RAB44: variants seen among roughly 807,000 people sequenced by gnomAD.
RAB44 encodes ras-related protein Rab-44.
A neutral mutation model predicts 93.3 loss-of-function variants in RAB44; 67 were observed. The observed-to-expected ratio is 0.72, with a 90% confidence interval of 0.59 to 0.88. The LOEUF (loss-of-function observed/expected upper bound fraction) is 0.88, where lower values mean the gene tolerates loss of function less well. Among genes scored for constraint, RAB44 ranks in the 40% least tolerant of loss-of-function variants. The pLI is 0.00. For synonymous variants in RAB44, 427 were observed against 520.3 expected, an observed-to-expected ratio of 0.82 and a Z score of 2.44; for missense variants, 1,064 against 1,261.7, an observed-to-expected ratio of 0.84 and a Z score of 2.37.
rs539751156 is a variant in RAB44 at position 36,731,188 on chromosome 6, C to T, written c.2975+439C>T. Among the ~76,000 whole-genome samples, 3 of 151,426 alleles carry T rather than the reference C, an allele frequency of 2.0e-5. No homozygotes were observed. The highest frequency in any genetic ancestry group is 3.0e-5 in the Non-Finnish European group (2 of 67,790). On this transcript the variant is annotated intron_variant, in intron 13 of 13. Transcript: ENST00000612677. The surrounding 1 kb of genome is among the most constrained non-coding windows in gnomAD (Gnocchi z 4.0). ...ACCCACACACACTCACACTCTTACACACACTCACACTCACACACACACACT... is the reference window on the plus strand; with the variant it reads ...ACCCACACACACTCACACTCTTACATACACTCACACTCACACACACACACT...
chr6:36,719,749 G>C (rs1763022363), intron 7 of RAB44, among the ~76,000 whole-genome samples: 1 of 152,216 alleles, frequency 6.6e-6, no homozygotes, highest in South Asian at 2.1e-4. Context: ...TGTGGGGGAA[G>C]GGCATCCAGG....
rs535276044 is a variant in RAB44, at chr6:36,712,502, T to A, written c.208-1326T>A. ...GCTTCAGCCTCCTGAGTAGCTGGGATTACAGGCGCCCACCACAATGCCCGG... is the reference window on the plus strand; with the variant it reads ...GCTTCAGCCTCCTGAGTAGCTGGGAATACAGGCGCCCACCACAATGCCCGG... On this transcript the variant is annotated intron_variant, in intron 2 of 13. Coordinates refer to ENST00000612677, the MANE Select transcript of RAB44 (RefSeq NM_001257357.2). 1.8e-3 allele frequency among the ~76,000 whole-genome samples: 277 copies of A among 152,206 alleles called. 1 individual carries two copies. Among genetic ancestry groups the A allele is most frequent in the Non-Finnish European group, 3.3e-3 (226 of 67,988 alleles).
intron 1 of RAB44, among the ~76,000 whole-genome samples, chr6:36,699,047 C>T (rs1762450991): frequency 6.6e-6 from 1 of 152,078 alleles, no homozygotes; most frequent in South Asian, 2.1e-4. Context: ...ACCATCCCAC[C>T]TGATGGTGAC....
At chr6:36,705,122 A>G (rs2150325156) in intron 2 of RAB44, among the ~76,000 whole-genome samples, 2 of 150,566 alleles carry the variant, frequency 1.3e-5, no homozygotes, top group African/African-American at 5.0e-5. Context: ...AAAAAAAAAA[A>G]AAAAAGAAGA....
intron 2 of RAB44, among the ~76,000 whole-genome samples, chr6:36,711,608 AT>A (rs34032307): frequency 0.023 from 3,496 of 152,276 alleles, 116 homozygotes; most frequent in African/African-American, 0.074. Context: ...ATTTTCTGTT[AT>A]TTTTAGGAGA....
chr6:36,699,658 C>T (rs1169974447), intron 1 of RAB44, among the ~76,000 whole-genome samples: 1 of 152,174 alleles, frequency 6.6e-6, no homozygotes, highest in Non-Finnish European at 1.5e-5. Flanking sequence ...AAGTCCATCC[C>T]ATGACCAACC....
intron 9 of RAB44, 59 bp downstream of exon 9, chr6:36,722,792 G>T: frequency 6.5e-7 from 1 of 1,538,986 alleles, no homozygotes; most frequent in East Asian, 2.4e-5. Flanking sequence ...CAGGGCCAAC[G>T]AGTGAGAGCG....
Position 36,717,982 on chromosome 6 carries a change from C to A in RAB44, c.642-46C>A. On this transcript the variant is annotated intron_variant, in intron 5 of 13. Coordinates refer to ENST00000612677, the MANE Select transcript of RAB44 (RefSeq NM_001257357.2). This position sits in a 1 kb window ranked among gnomAD's most constrained non-coding sequence, Gnocchi z 4.1. ...ACTGCCCCTGCCAGCAGCAGGCTCCCAGAGGTGCTGATGGGCTGCCTGGCC... is the reference window on the plus strand; with the variant it reads ...ACTGCCCCTGCCAGCAGCAGGCTCCAAGAGGTGCTGATGGGCTGCCTGGCC... The A allele has an allele frequency of 8.5e-7, 1 of 1,174,162 alleles. No homozygotes were observed. Among genetic ancestry groups the A allele is most frequent in the South Asian group, 4.3e-5 (1 of 23,208 alleles). The allele number at this position is 1,174,162 out of a possible 1,614,324, so 72.7% of individuals were successfully genotyped here.
Position 36,717,431 on chromosome 6 carries a change from G to T in RAB44, c.641+12G>T, listed in dbSNP as rs908817590. On this transcript the variant is annotated intron_variant, in intron 5 of 13. Transcript: ENST00000612677. The surrounding 1 kb of genome is among the most constrained non-coding windows in gnomAD (Gnocchi z 4.1). ...CTGACCCTGAGGAAGTGAGTGGGGG[G>T]CCTGGCCGGGTGTCTGATACGAAGT... is the stretch of plus-strand genomic sequence containing the variant. 1.6e-6 allele frequency: 2 copies of T among 1,231,914 alleles called. No individual in the cohort carries two copies. The highest frequency in any genetic ancestry group is 1.6e-5 in the African/African-American group (1 of 64,422). 76.3% of individuals were successfully genotyped at this position (1,231,914 alleles called of 1,614,324 possible).
chr6:36,699,045 A>C (rs1376561434), intron 1 of RAB44, among the ~76,000 whole-genome samples: 1 of 152,068 alleles, frequency 6.6e-6, no homozygotes, highest in Non-Finnish European at 1.5e-5. Flanking sequence ...GCACCATCCC[A>C]CCTGATGGTG....
At position 36,721,497 on chromosome 6, in the gene RAB44, A is replaced by G; in HGVS notation, c.1363A>G (p.Ile455Val). The G allele has an allele frequency of 6.5e-6, 8 of 1,234,540 alleles. No individual in the cohort carries two copies. The highest frequency in any genetic ancestry group is 8.1e-6 in the Non-Finnish European group (8 of 988,342). The allele number at this position is 1,234,540 out of a possible 1,614,324, so 76.5% of individuals were successfully genotyped here. The change falls in exon 9 of 14, where the codon ATT becomes GTT. Residue 455 changes from isoleucine (I) to valine (V), a missense_variant. Transcript: ENST00000612677. ...AGGAGTGGACCCACATGAGCAGGAC[A>G]TTAGAGCAGAGCAGCCTGTTGAACC... ...NKGVDPHEQD[I>V]RAEQPVEPHD...
At chr6:36,701,002 G>T (rs1754226189) in intron 1 of RAB44, among the ~76,000 whole-genome samples, 1 of 152,208 alleles carries the variant, frequency 6.6e-6, no homozygotes, top group Admixed American at 6.5e-5. Context: ...TGAATTAGGG[G>T]TGAGAGATAC....
At chr6:36,729,906 G>A (rs947421285) in intron 12 of RAB44, among the ~76,000 whole-genome samples, 1 of 152,146 alleles carries the variant, frequency 6.6e-6, no homozygotes, top group African/African-American at 2.4e-5. Flanking sequence ...CATGTATAAC[G>A]TACAATCGAA....
rs1461695198 is a variant in RAB44, at chr6:36,722,142, C to G, written c.2008C>G (p.Leu670Val). 1 of 1,236,432 alleles carries G rather than the reference C, an allele frequency of 8.1e-7. No homozygotes were observed. Among genetic ancestry groups the G allele is most frequent in the African/African-American group, 1.5e-5 (1 of 64,548 alleles). The allele number at this position is 1,236,432 out of a possible 1,614,324, so 76.6% of individuals were successfully genotyped here. ...GELSAFPHQE[L>V]EEEPRSEEGK... ...GCTGTCTGCCTTCCCCCACCAGGAG[C>G]TGGAAGAGGAACCCAGGTCTGAGGA... The change falls in exon 9 of 14, where the codon CTG becomes GTG. Residue 670 changes from leucine (L) to valine (V), a missense_variant. By Grantham distance (32) the Leu-to-Val change is conservative. Transcript: ENST00000612677.
intron 1 of RAB44, among the ~76,000 whole-genome samples, chr6:36,698,745 C>T (rs535124543): frequency 6.6e-5 from 10 of 152,104 alleles, no homozygotes; most frequent in South Asian, 2.1e-4. Flanking sequence ...GATGTGTGTG[C>T]TGGGCGACGG....
In RAB44 at chr6:36,722,509, C is replaced by G. The variant is rs1296991146; in HGVS notation, c.2375C>G (p.Ser792Cys). 5 of 1,509,254 alleles carry G rather than the reference C, an allele frequency of 3.3e-6. No homozygotes were observed. The highest frequency in any genetic ancestry group is 4.4e-6 in the Non-Finnish European group (5 of 1,127,092). The allele number at this position is 1,509,254 out of a possible 1,614,324, so 93.5% of individuals were successfully genotyped here. Residue 792 changes from serine to cysteine, a missense_variant, in exon 9 of 14, where the codon TCC becomes TGC. Transcript: ENST00000612677. ...AHAEEQGPPH[S>C]REPRAESRLE... Reference sequence around the variant, plus strand: ...GCAGAAGAACAAGGCCCGCCTCACTCCAGGGAACCAAGGGCAGAGAGCAGG... The same window carrying G: ...GCAGAAGAACAAGGCCCGCCTCACTGCAGGGAACCAAGGGCAGAGAGCAGG...
chr6:36,704,477 C>CT, intron 2 of RAB44, 35 bp downstream of exon 2: 1 of 1,513,242 alleles, frequency 6.6e-7, no homozygotes, highest in Non-Finnish European at 8.9e-7. Flanking sequence ...TGCTGAATCC[C>CT]TTTTCCGCAG....
Position 36,722,376 on chromosome 6 carries a change from AG to A in RAB44, c.2248del (p.Ala750LeufsTer64), listed in dbSNP as rs1582638049. The A allele has an allele frequency of 9.5e-6, 13 of 1,369,592 alleles. No individual in the cohort carries two copies. The South Asian group carries it at 2.4e-4, about 25-fold the overall frequency. The allele number at this position is 1,369,592 out of a possible 1,614,324, so 84.8% of individuals were successfully genotyped here. A position where few individuals can be genotyped will look rare whatever the true frequency, so the allele number is the denominator to read the frequency against. On this transcript the variant is annotated frameshift_variant, in exon 9 of 14. Coordinates refer to ENST00000612677, the MANE Select transcript of RAB44 (RefSeq NM_001257357.2). LOFTEE classifies it high-confidence loss of function. ...KSAPPRGSPPRGAQPGAGAGP... is the reference protein window; with the variant it reads ...KSAPPRGSPPXGAQPGAGAGP... ...GGCACCTCCAAGGGGCTCTCCTCCC[AG>A]GGGGGCTCAGCCTGGGGCTGGAGCA...
rs1763385522 is a variant in RAB44, at chr6:36,732,492, C to A, written c.*399C>A. The A allele has an allele frequency of 6.5e-6, 1 of 153,638 alleles. No homozygotes were observed. The highest frequency in any genetic ancestry group is 6.6e-5 in the Admixed American group (1 of 15,266). The allele number at this position is 153,638 out of a possible 1,614,324, so 9.5% of individuals were successfully genotyped here. ...TTTTCAACAATAACAGTATTCAATA[C>A]ATAATCAGAAAAAAGAGATGTGGAG... On this transcript the variant is annotated 3_prime_UTR_variant, in exon 14 of 14. Coordinates refer to ENST00000612677, the MANE Select transcript of RAB44 (RefSeq NM_001257357.2).
Sources: allele counts gnomAD v4.1 joint callset (sites outside exome capture counted in the v4.1 genomes callset), GRCh38; gene constraint gnomAD v4.1.1; non-coding constraint Gnocchi (gnomAD v3.1); transcripts MANE v1.5; gene names NCBI Gene and HGNC (gene_info 2026-07-23, HGNC 2026-07-21).